The following LSM6 variants were observed in gnomAD, a reference collection of about 807,000 sequenced individuals.
LSM6 encodes the protein U6 snRNA-associated Sm-like protein LSm6.
LSM6 carries 2 observed loss-of-function variants against 13.5 expected under a neutral mutation model. The ratio of observed to expected loss-of-function variants is 0.15; its 90% CI spans 0.06 to 0.47. LSM6 has a LOEUF of 0.47. Among genes scored for constraint, LSM6 ranks in the 20% least tolerant of loss-of-function variants. The pLI is 0.97. For missense variants in LSM6, 58 were observed against 96.4 expected, an observed-to-expected ratio of 0.60 and a Z score of 1.67; for synonymous variants, 43 against 34.9, an observed-to-expected ratio of 1.23 and a Z score of -0.82.
At chr4:146,188,611 C>T (rs776991984) in intron 3 of LSM6, among the ~76,000 whole-genome samples, 72 of 152,078 alleles carry the variant, frequency 4.7e-4, no homozygotes, top group African/African-American at 1.7e-4. Flanking sequence ...TCTCAGAAGC[C>T]GAGTAGGCAT....
At chr4:146,180,165 C>A (rs1730201899) in intron 1 of LSM6, among the ~76,000 whole-genome samples, 1 of 152,208 alleles carries the variant, frequency 6.6e-6, no homozygotes, top group Non-Finnish European at 1.5e-5. Flanking sequence ...TCTGCCAAGC[C>A]TGGGGTAAGA....
rs994631603 is a variant in LSM6 at position 146,190,940 on chromosome 4, C to T, written c.*1284C>T. On this transcript the variant is annotated 3_prime_UTR_variant, in exon 4 of 4. Coordinates refer to ENST00000296581, the MANE Select transcript of LSM6 (RefSeq NM_007080.3). ...AGAGAGGGAAGGGGCAGTGCTGATT[C>T]TGGAGAGGTGTATGTAGTGTTTTGT... 6.6e-6 allele frequency: 1 copy of T among 152,102 alleles called. No individual in the cohort carries two copies. Among genetic ancestry groups the T allele is most frequent in the African/African-American group, 2.4e-5 (1 of 41,402 alleles). The allele number at this position is 152,102 out of a possible 1,614,324, so 9.4% of individuals were successfully genotyped here.
At position 146,189,632 on chromosome 4, in the gene LSM6, C is replaced by T; in HGVS notation, c.219C>T (p.Ile73=). ...TTTTTTTCTTTTCAGTGTTGTACAT[C>T]AGTACACAGAAGAGACGGATGTGAA... is the stretch of plus-strand genomic sequence containing the variant. ...AFIRGNNVLY[I]STQKRRM is the part of the protein sequence containing the mutation. The change falls in exon 4 of 4, where the codon ATC becomes ATT. Residue 73 remains isoleucine, a synonymous_variant. Coordinates refer to ENST00000296581, the MANE Select transcript of LSM6 (RefSeq NM_007080.3). 1 of 1,596,966 alleles carries T rather than the reference C, an allele frequency of 6.3e-7. No individual in the cohort carries two copies. Among genetic ancestry groups the T allele is most frequent in the Non-Finnish European group, 8.6e-7 (1 of 1,169,398 alleles).
chr4:146,186,329 C>T (rs1730348364), intron 2 of LSM6, among the ~76,000 whole-genome samples: 1 of 151,930 alleles, frequency 6.6e-6, no homozygotes, highest in Admixed American at 6.6e-5. Flanking sequence ...ATAATGGGGG[C>T]AGAGGCAGAG....
At position 146,186,135 on chromosome 4, in the gene LSM6, T is replaced by C. The variant is rs1054877451; in HGVS notation, c.95-1139T>C. 4.6e-5 allele frequency among the ~76,000 whole-genome samples: 7 copies of C among 152,238 alleles called. No homozygotes were observed. In the South Asian group the frequency reaches 1.4e-3, roughly 31 times the overall value. ...CTCATTTATAATTGCAGTTTGTATG[T>C]AAAATAGTACAGCAGGAAACGAGCT... On this transcript the variant is annotated intron_variant, in intron 2 of 3. Coordinates refer to ENST00000296581, the MANE Select transcript of LSM6 (RefSeq NM_007080.3).
Position 146,187,275 on chromosome 4 carries a change from G to T in LSM6, c.96G>T (p.Gly32=). Residue 32 remains glycine (G), a splice_region_variant and synonymous_variant, in exon 3 of 4, where the codon GGG becomes GGT. Transcript: ENST00000296581. ...CTTTTTGACTAAATATGTCTGCAGG[G>T]GTCCTGGCTTGCCTGGATGGCTACA... ...VKLNSGVDYR[G]VLACLDGYMN... is the part of the protein sequence containing the mutation. 6.3e-7 allele frequency: 1 copy of T among 1,583,072 alleles called. No homozygotes were observed. Among genetic ancestry groups the T allele is most frequent in the Non-Finnish European group, 8.7e-7 (1 of 1,151,890 alleles).
chr4:146,187,122 C>G (rs1730367171), intron 2 of LSM6, 152 bp from the exon 3 acceptor site: 4 of 569,928 alleles, frequency 7.0e-6, no homozygotes, highest in African/African-American at 5.6e-5. Context: ...TTGTTTTGTG[C>G]TTAAGCTGTT....
chr4:146,184,120 G>A (rs1025666683), intron 2 of LSM6, among the ~76,000 whole-genome samples: 31 of 151,734 alleles, frequency 2.0e-4, no homozygotes, highest in Admixed American at 4.6e-4. Flanking sequence ...AAGGCAGAGG[G>A]CAAACCAGCA....
Position 146,189,866 on chromosome 4 carries a change from G to A in LSM6, c.*210G>A, listed in dbSNP as rs908916196. The A allele has an allele frequency of 5.1e-5, 26 of 509,678 alleles. No homozygotes were observed. Among genetic ancestry groups the A allele is most frequent in the Middle Eastern group, 5.1e-4 (1 of 1,980 alleles). 31.6% of individuals were successfully genotyped at this position (509,678 alleles called of 1,614,324 possible). On this transcript the variant is annotated 3_prime_UTR_variant, in exon 4 of 4. Coordinates refer to ENST00000296581, the MANE Select transcript of LSM6 (RefSeq NM_007080.3). ...AGTTTCAGTCATTTTCTTTTACCTC[G>A]TTGTCAGTGTACAGAATGCTAAAAT...
intron 3 of LSM6, among the ~76,000 whole-genome samples, chr4:146,188,769 A>G (rs981817408): frequency 2.6e-5 from 4 of 152,206 alleles, no homozygotes; most frequent in Admixed American, 6.5e-5. Context: ...ACACCAAAGT[A>G]TGAGACTTTT....
intron 3 of LSM6, among the ~76,000 whole-genome samples, chr4:146,188,547 C>A (rs1730397331): frequency 6.6e-6 from 1 of 152,112 alleles, no homozygotes; most frequent in African/African-American, 2.4e-5. Context: ...TTATTTGATT[C>A]ATCTGTGCTA....
intron 1 of LSM6, 46 bp from the exon 2 acceptor site, chr4:146,182,866 A>G (rs1363529013): frequency 8.9e-7 from 1 of 1,118,434 alleles, no homozygotes. Flanking sequence ...TGAATAATCA[A>G]CTTTGGTCTT....
At position 146,185,215 on chromosome 4, in the gene LSM6, G is replaced by A. The variant is rs559835523; in HGVS notation, c.95-2059G>A. Among the ~76,000 whole-genome samples the A allele has an allele frequency of 3.3e-5, 5 of 152,240 alleles. No individual in the cohort carries two copies. In the South Asian group the frequency reaches 1.0e-3, roughly 32 times the overall value. On this transcript the variant is annotated intron_variant, in intron 2 of 3. Coordinates refer to ENST00000296581, the MANE Select transcript of LSM6 (RefSeq NM_007080.3). The stretch of plus-strand genomic sequence containing the variant: ...GAGTATTCCATGGCCCTGCATCAGG[G>A]AACTTGGGTTTATCCTTCATGTTCT...
In LSM6 at chr4:146,189,638, A is replaced by T. The variant is rs41280529; in HGVS notation, c.225A>T (p.Thr75=). 17,542 of 1,601,666 alleles carry T rather than the reference A, an allele frequency of 0.011. 123 individuals are homozygous for T. The highest frequency in any genetic ancestry group is 0.014 in the Non-Finnish European group (15,893 of 1,172,988). The change falls in exon 4 of 4, where the codon ACA becomes ACT. Residue 75 remains threonine (T), a synonymous_variant. Transcript: ENST00000296581. ...TCTTTTCAGTGTTGTACATCAGTACACAGAAGAGACGGATGTGAAGACACC... is the reference window on the plus strand; with the variant it reads ...TCTTTTCAGTGTTGTACATCAGTACTCAGAAGAGACGGATGTGAAGACACC... ...IRGNNVLYIS[T]QKRRM is the part of the protein sequence containing the mutation.
chr4:146,182,844 T>C (rs1730260774), intron 1 of LSM6, 68 bp from the exon 2 acceptor site: 1 of 915,726 alleles, frequency 1.1e-6, no homozygotes, highest in Admixed American at 1.7e-5. Context: ...TTAAGGGCTT[T>C]AAGGGTTTTG....
chr4:146,181,985 T>C (rs1730242843), intron 1 of LSM6, among the ~76,000 whole-genome samples: 2 of 152,182 alleles, frequency 1.3e-5, no homozygotes, highest in South Asian at 4.1e-4. Context: ...TTTTAAGACT[T>C]TTTTCTTCAT....
At chr4:146,189,472 C>A in intron 3 of LSM6, 150 bp from the exon 4 acceptor site, 1 of 625,624 alleles carries the variant, frequency 1.6e-6, no homozygotes, top group South Asian at 1.9e-5. Context: ...ACTAGTCTTA[C>A]AGTACTTCTA....
intron 2 of LSM6, among the ~76,000 whole-genome samples, chr4:146,185,651 T>G (rs943404791): frequency 1.1e-4 from 16 of 150,264 alleles, no homozygotes; most frequent in Non-Finnish European, 4.4e-5. Context: ...GTTTTTTTGT[T>G]GTTGTTGTTG....
chr4:146,177,051 A>G (rs1730126912), intron 1 of LSM6, among the ~76,000 whole-genome samples: 1 of 151,422 alleles, frequency 6.6e-6, no homozygotes, highest in African/African-American at 2.4e-5. Flanking sequence ...TGTGTGTGTC[A>G]CTGGCGTTAA....
Sources: allele counts gnomAD v4.1 joint callset (sites outside exome capture counted in the v4.1 genomes callset), GRCh38; gene constraint gnomAD v4.1.1; transcripts MANE v1.5; gene names NCBI Gene and HGNC (gene_info 2026-07-23, HGNC 2026-07-21).